The following CWF19L2 variants were observed in gnomAD, a reference collection of about 807,000 sequenced individuals.
The protein encoded by CWF19L2 is CWF19-like protein 2.
In CWF19L2, 98 loss-of-function variants were observed where a neutral mutation model predicts 111.7. That is an observed-to-expected ratio of 0.88 (90% confidence interval 0.75 to 1.04). The LOEUF is 1.04. CWF19L2 is among the 50% of genes least tolerant of loss of function. CWF19L2 has a pLI of 0.00. For missense variants in CWF19L2, 1,101 were observed against 1,051.4 expected, an observed-to-expected ratio of 1.05 and a Z score of -0.65; for synonymous variants, 351 against 342.9, an observed-to-expected ratio of 1.02 and a Z score of -0.26.
intron 8 of CWF19L2, among the ~76,000 whole-genome samples, chr11:107,427,008 G>C (rs1861387613): frequency 6.6e-6 from 1 of 151,744 alleles, no homozygotes; most frequent in African/African-American, 2.4e-5. Context: ...CATTTATTAA[G>C]ATTACAAATG....
chr11:107,371,772 C>T (rs1395031670), intron 12 of CWF19L2, among the ~76,000 whole-genome samples: 3 of 136,726 alleles, frequency 2.2e-5, no homozygotes, highest in Non-Finnish European at 4.7e-5. Flanking sequence ...ACAATTTCTC[C>T]GCAGCTCGGT....
intron 12 of CWF19L2, among the ~76,000 whole-genome samples, chr11:107,373,106 G>C (rs7107049): frequency 0.56 from 33,865 of 59,976 alleles, 14,289 homozygotes; most frequent in African/African-American, 0.78. Context: ...TCCCGCACCT[G>C]GCTCGGAGGG....
chr11:107,442,570 G>T (rs1861633241), intron 4 of CWF19L2, among the ~76,000 whole-genome samples: 1 of 151,196 alleles, frequency 6.6e-6, no homozygotes, highest in Non-Finnish European at 1.5e-5. Flanking sequence ...TGTGGTCCCA[G>T]CTACCAGGGA....
intron 12 of CWF19L2, among the ~76,000 whole-genome samples, chr11:107,388,035 T>C (rs943948968): frequency 1.3e-5 from 2 of 152,178 alleles, no homozygotes; most frequent in African/African-American, 2.4e-5. Context: ...GATCCTTTGC[T>C]GTTTCTTCTA....
chr11:107,415,059 T>C (rs79317540), intron 10 of CWF19L2, among the ~76,000 whole-genome samples: 6,148 of 152,258 alleles, frequency 0.04, 156 homozygotes, highest in East Asian at 0.11. Context: ...TCCACCTCCT[T>C]ACCATGACTT....
chr11:107,400,676 C>T (rs1860986975), intron 10 of CWF19L2, among the ~76,000 whole-genome samples: 1 of 152,072 alleles, frequency 6.6e-6, no homozygotes, highest in Non-Finnish European at 1.5e-5. Flanking sequence ...CACTATTTCA[C>T]AAGATAGAGA....
At chr11:107,416,411 C>T (rs1861227393) in intron 9 of CWF19L2, 113 bp from the exon 10 acceptor site, 2 of 414,938 alleles carry the variant, frequency 4.8e-6, no homozygotes, top group Non-Finnish European at 4.1e-6. Flanking sequence ...ACTCATGTAG[C>T]CTTCATCTAA....
intron 12 of CWF19L2, among the ~76,000 whole-genome samples, chr11:107,361,415 GT>G (rs368662392): frequency 0.012 from 1,755 of 152,048 alleles, 27 homozygotes; most frequent in African/African-American, 0.04. Flanking sequence ...GCAGCTTTGG[GT>G]TTTTTTTATT....
chr11:107,455,909 G>T (rs1836925354), intron 1 of CWF19L2, 133 bp from the exon 2 acceptor site: 1 of 544,282 alleles, frequency 1.8e-6, no homozygotes, highest in Non-Finnish European at 3.3e-6. Flanking sequence ...TCCTTGCCAG[G>T]GATTTGCTTC....
rs540427852 is a variant in CWF19L2, at chr11:107,419,764, G to A, written c.1434-1477C>T. On this transcript the variant is annotated intron_variant, in intron 8 of 17. Transcript: ENST00000282251. ...AAAAATGAAACAGAGAAAAGAATCT[G>A]TAAAAATGAAAAGAGCATCAGAGGG... Among the ~76,000 whole-genome samples the A allele has an allele frequency of 2.8e-4, 43 of 152,208 alleles. 2 individuals are homozygous for A. Among genetic ancestry groups the A allele is most frequent in the African/African-American group, 1.0e-3 (42 of 41,558 alleles).
At chr11:107,401,930 T>C (rs760272437) in intron 10 of CWF19L2, among the ~76,000 whole-genome samples, 58 of 152,016 alleles carry the variant, frequency 3.8e-4, no homozygotes, top group Non-Finnish European at 7.8e-4. Flanking sequence ...TAAACCCAAA[T>C]ACTTAAAGCC....
chr11:107,361,116 T>C lies in CWF19L2; in HGVS notation c.1873-7380A>G, dbSNP rs543921673. On this transcript the variant is annotated intron_variant, in intron 12 of 17. Coordinates refer to ENST00000282251, the MANE Select transcript of CWF19L2 (RefSeq NM_152434.3). The stretch of plus-strand genomic sequence containing the variant: ...ATGTAAGTCTTTAATCCATCTTAAG[T>C]TGATTTTTGTGTATGTTCAGAGATA... Among the ~76,000 whole-genome samples the C allele has an allele frequency of 4.4e-4, 67 of 152,314 alleles. 1 individual carries two copies. Among genetic ancestry groups the C allele is most frequent in the African/African-American group, 1.6e-3 (66 of 41,566 alleles).
intron 3 of CWF19L2, among the ~76,000 whole-genome samples, chr11:107,452,382 GAAAAC>G (rs1223422197): frequency 3.0e-4 from 45 of 150,664 alleles, no homozygotes; most frequent in Admixed American, 9.2e-4. Flanking sequence ...AGCACTTCCA[GAAAAC>G]AAAATGGAAA....
At chr11:107,436,888 C>A (rs575384135) in intron 6 of CWF19L2, among the ~76,000 whole-genome samples, 2 of 152,294 alleles carry the variant, frequency 1.3e-5, no homozygotes, top group South Asian at 4.1e-4. Flanking sequence ...ACTATCTACA[C>A]TGCTGTCCTT....
intron 13 of CWF19L2, 27 bp from the exon 14 acceptor site, chr11:107,349,080 A>G: frequency 1.7e-6 from 2 of 1,189,248 alleles, no homozygotes; most frequent in South Asian, 1.4e-5. Context: ...CAAAAGGTGA[A>G]ATGTTATTGT....
chr11:107,389,813 G>A (rs928181141), intron 12 of CWF19L2, among the ~76,000 whole-genome samples: 2 of 152,020 alleles, frequency 1.3e-5, no homozygotes, highest in African/African-American at 4.8e-5. Flanking sequence ...AAATGGTAGA[G>A]GAAATGTATA....
chr11:107,384,105 G>C (rs1293615848), intron 12 of CWF19L2, among the ~76,000 whole-genome samples: 1 of 152,102 alleles, frequency 6.6e-6, no homozygotes, highest in Admixed American at 6.6e-5. Context: ...ATTAACATTT[G>C]TCGACTAAAT....
intron 3 of CWF19L2, among the ~76,000 whole-genome samples, chr11:107,446,808 A>C (rs902547650): frequency 3.9e-5 from 6 of 152,158 alleles, no homozygotes. Flanking sequence ...ACAATTATGC[A>C]CTCACTCACC....
At chr11:107,341,534 T>C (rs1469154420) in intron 14 of CWF19L2, among the ~76,000 whole-genome samples, 1 of 152,164 alleles carries the variant, frequency 6.6e-6, no homozygotes, top group Non-Finnish European at 1.5e-5. Flanking sequence ...ACATAGGATA[T>C]TGAGTTGTAG....
Sources: allele counts gnomAD v4.1 joint callset (sites outside exome capture counted in the v4.1 genomes callset), GRCh38; gene constraint gnomAD v4.1.1; transcripts MANE v1.5; gene names NCBI Gene and HGNC (gene_info 2026-07-23, HGNC 2026-07-21).